SPOCK3: variants seen among roughly 807,000 people sequenced by gnomAD.
SPOCK3 encodes SPARC (osteonectin), cwcv and kazal like domains proteoglycan 3.
SPOCK3 carries 30 observed loss-of-function variants against 56.6 expected under a neutral mutation model. The ratio of observed to expected loss-of-function variants is 0.53; its 90% confidence interval spans 0.40 to 0.72. The LOEUF (loss-of-function observed/expected upper bound fraction) is 0.72. SPOCK3 is among the 30% of genes least tolerant of loss of function. The pLI is 0.00. For synonymous variants in SPOCK3, 196 were observed against 183.3 expected (o/e 1.07, Z -0.56); for missense variants, 527 against 530.0 (o/e 0.99, Z 0.06).
intron 3 of SPOCK3, among the ~76,000 whole-genome samples, chr4:167,053,922 C>T (rs911806836): frequency 2.6e-5 from 4 of 151,980 alleles, no homozygotes; most frequent in African/African-American, 7.2e-5. Flanking sequence ...AAAAATGAAA[C>T]GGGTTCGTTC....
At chr4:167,106,028 G>A (rs1760111283) in intron 2 of SPOCK3, among the ~76,000 whole-genome samples, 1 of 151,816 alleles carries the variant, frequency 6.6e-6, no homozygotes, top group East Asian at 1.9e-4. Flanking sequence ...TACAATAATA[G>A]CTGGAGAGTT....
intron 4 of SPOCK3, among the ~76,000 whole-genome samples, chr4:166,933,925 T>C (rs1740078405): frequency 6.6e-6 from 1 of 152,182 alleles, no homozygotes; most frequent in South Asian, 2.1e-4. Flanking sequence ...TGAATAAATA[T>C]GCTGATGTTC....
chr4:167,116,449 C>G (rs1561233221), intron 2 of SPOCK3, among the ~76,000 whole-genome samples: 1 of 138,068 alleles, frequency 7.2e-6, no homozygotes, highest in Non-Finnish European at 1.5e-5. Context: ...TATATATACA[C>G]AAAAGTATAT....
chr4:167,145,781 G>C (rs1267170818), intron 2 of SPOCK3, among the ~76,000 whole-genome samples: 1 of 151,992 alleles, frequency 6.6e-6, no homozygotes, highest in Non-Finnish European at 1.5e-5. Flanking sequence ...GTCACCACCA[G>C]GCATGCCTTA....
intron 6 of SPOCK3, among the ~76,000 whole-genome samples, chr4:166,835,821 G>A (rs1746550645): frequency 6.6e-6 from 1 of 152,158 alleles, no homozygotes; most frequent in Admixed American, 6.5e-5. Flanking sequence ...CCAACATGGA[G>A]AAACCCTGTC....
chr4:167,209,435 A>G lies in SPOCK3; in HGVS notation c.189+24550T>C, dbSNP rs181636480. On this transcript the variant is annotated intron_variant, in intron 2 of 10. Coordinates refer to ENST00000357545, the MANE Select transcript of SPOCK3 (RefSeq NM_001040159.2). ...AATGATATTTCAAAGATATTTCACAATGCTAACACTGAAGAATTTTTCAAT... is the reference window on the plus strand; with the variant it reads ...AATGATATTTCAAAGATATTTCACAGTGCTAACACTGAAGAATTTTTCAAT... Among the ~76,000 whole-genome samples the G allele has an allele frequency of 3.9e-3, 591 of 152,258 alleles. 17 individuals are homozygous for G. The highest frequency in any genetic ancestry group is 0.032 in the Admixed American group (489 of 15,266).
At chr4:166,935,985 A>T (rs1689665618) in intron 4 of SPOCK3, among the ~76,000 whole-genome samples, 1 of 152,242 alleles carries the variant, frequency 6.6e-6, no homozygotes, top group Non-Finnish European at 1.5e-5. Context: ...AGGTTTGGAA[A>T]GTTCAGATTT....
At chr4:167,157,702 T>C (rs944319030) in intron 2 of SPOCK3, among the ~76,000 whole-genome samples, 1 of 151,784 alleles carries the variant, frequency 6.6e-6, no homozygotes, top group African/African-American at 2.4e-5. Flanking sequence ...CAATCCAGAG[T>C]TCTAAAAAGC....
At chr4:166,753,966 G>T in intron 8 of SPOCK3, 1 of 386,832 alleles carries the variant, frequency 2.6e-6, no homozygotes, top group Non-Finnish European at 3.5e-6. Context: ...CTCCTCCTTA[G>T]TATTAAGACA....
At chr4:167,199,223 GTT>G (rs1330082473) in intron 2 of SPOCK3, among the ~76,000 whole-genome samples, 15 of 135,880 alleles carry the variant, frequency 1.1e-4, no homozygotes, top group Middle Eastern at 3.9e-3. Context: ...CTAAATATTT[GTT>G]TGTGTGTGTG....
chr4:166,993,139 G>A (rs1166427739), intron 4 of SPOCK3, among the ~76,000 whole-genome samples: 3 of 152,104 alleles, frequency 2.0e-5, no homozygotes, highest in Non-Finnish European at 4.4e-5. Flanking sequence ...TATATTGCAA[G>A]CAGAACTGCG....
intron 2 of SPOCK3, among the ~76,000 whole-genome samples, chr4:167,084,688 C>T (rs1373701017): frequency 1.3e-5 from 2 of 152,024 alleles, no homozygotes; most frequent in Non-Finnish European, 2.9e-5. Context: ...ATCTGAGGTG[C>T]CCACCCTCCT....
At chr4:166,820,234 G>A (rs746534534) in intron 6 of SPOCK3, among the ~76,000 whole-genome samples, 1 of 151,974 alleles carries the variant, frequency 6.6e-6, no homozygotes, top group Non-Finnish European at 1.5e-5. Context: ...AAAAAGTGAT[G>A]ACACAATGTA....
chr4:166,898,797 T>C (rs1205199118), intron 5 of SPOCK3, among the ~76,000 whole-genome samples: 2 of 152,180 alleles, frequency 1.3e-5, no homozygotes, highest in African/African-American at 2.4e-5. Flanking sequence ...CTTCATACAA[T>C]GGTTAATTTC....
At chr4:167,056,419 G>A (rs946896868) in intron 3 of SPOCK3, among the ~76,000 whole-genome samples, 5 of 152,206 alleles carry the variant, frequency 3.3e-5, no homozygotes, top group Non-Finnish European at 7.3e-5. Context: ...ACCAGCAATG[G>A]AACAAAGCTG....
At chr4:167,224,497 T>A (rs1736391581) in intron 2 of SPOCK3, among the ~76,000 whole-genome samples, 1 of 152,182 alleles carries the variant, frequency 6.6e-6, no homozygotes, top group Non-Finnish European at 1.5e-5. Flanking sequence ...AGAAGCAATT[T>A]TTGTATATGC....
intron 2 of SPOCK3, among the ~76,000 whole-genome samples, chr4:167,172,319 C>T (rs1730575229): frequency 6.6e-6 from 1 of 152,166 alleles, no homozygotes; most frequent in Non-Finnish European, 1.5e-5. Flanking sequence ...TACACTGGGA[C>T]TATACCAATT....
At chr4:167,005,456 G>A (rs894903223) in intron 3 of SPOCK3, among the ~76,000 whole-genome samples, 6 of 151,682 alleles carry the variant, frequency 4.0e-5, no homozygotes, top group East Asian at 1.9e-4. Context: ...CTCGTGATCC[G>A]CCCGCCTCGG....
chr4:167,163,798 T>C (rs1390364499), intron 2 of SPOCK3, among the ~76,000 whole-genome samples: 1 of 152,128 alleles, frequency 6.6e-6, no homozygotes, highest in Non-Finnish European at 1.5e-5. Context: ...TGATAATCAC[T>C]CAAGTGAACA....
Sources: allele counts gnomAD v4.1 joint callset (sites outside exome capture counted in the v4.1 genomes callset), GRCh38; gene constraint gnomAD v4.1.1; transcripts MANE v1.5; gene names NCBI Gene and HGNC (gene_info 2026-07-23, HGNC 2026-07-21).